BRINP1: variants seen among roughly 807,000 people sequenced by gnomAD.
BRINP1 encodes the protein BMP/retinoic acid inducible neural specific 1.
A neutral mutation model predicts 72.9 loss-of-function variants in BRINP1; 17 were observed. The ratio of observed to expected loss-of-function variants is 0.23; its 90% CI spans 0.16 to 0.35. The LOEUF is 0.35. Among genes scored for constraint, BRINP1 ranks in the 10% least tolerant of loss-of-function variants. The pLI, the probability that BRINP1 is intolerant of heterozygous loss-of-function variation, is 1.00. For missense variants in BRINP1, 850 were observed against 1,001.6 expected (o/e 0.85, Z 2.04); for synonymous variants, 418 against 378.5 (o/e 1.10, Z -1.21).
intron 2 of BRINP1, among the ~76,000 whole-genome samples, chr9:119,309,531 C>G (rs939977983): frequency 6.6e-6 from 1 of 152,048 alleles, no homozygotes; most frequent in African/African-American, 2.4e-5. Context: ...ATAGTCTTAA[C>G]AGAAAGTGAA....
rs1206757973 is a variant in BRINP1, at chr9:119,339,654, CTT to C, written c.-50-26251_-50-26250del. Among the ~76,000 whole-genome samples, 3 of 152,262 alleles carry C rather than the reference CTT, an allele frequency of 2.0e-5. No individual in the cohort carries two copies. In the East Asian group the frequency reaches 5.8e-4, roughly 29 times the overall value. Reference sequence around the variant, plus strand: ...AGTGCCAGGCACTGCACTTTGCTGTCTTTTTAATTTTCTACAGGAATTATTTC... The same window carrying C: ...AGTGCCAGGCACTGCACTTTGCTGTCTTTAATTTTCTACAGGAATTATTTC... On this transcript the variant is annotated intron_variant, in intron 1 of 7. Transcript: ENST00000265922.
chr9:119,369,242 C>A lies in BRINP1; in HGVS notation c.-237G>T, dbSNP rs558224555. On this transcript the variant is annotated 5_prime_UTR_variant, in exon 1 of 8. Transcript: ENST00000265922. ...GCCGTAAAGTCCCCTTCGCTGGTCC[C>A]GAGGACAGGCATGAATCCCGGCTCC... 8 of 398,588 alleles carry A rather than the reference C, an allele frequency of 2.0e-5. No individual in the cohort carries two copies. The Admixed American group carries it at 3.5e-4, about 18-fold the overall frequency. 24.7% of individuals were successfully genotyped at this position (398,588 alleles called of 1,614,324 possible).
chr9:119,268,928 C>T (rs1394161899), intron 2 of BRINP1, among the ~76,000 whole-genome samples: 1 of 152,144 alleles, frequency 6.6e-6, no homozygotes, highest in Non-Finnish European at 1.5e-5. Flanking sequence ...ACATGAAAGG[C>T]ACTAAAATGT....
chr9:119,331,317 A>C (rs954804599), intron 1 of BRINP1, among the ~76,000 whole-genome samples: 1 of 152,206 alleles, frequency 6.6e-6, no homozygotes, highest in Non-Finnish European at 1.5e-5. Flanking sequence ...AGACTAGAGA[A>C]ACCCTGGAGC....
At chr9:119,277,126 C>T (rs1426576112) in intron 2 of BRINP1, among the ~76,000 whole-genome samples, 3 of 152,202 alleles carry the variant, frequency 2.0e-5, no homozygotes, top group East Asian at 3.8e-4. Flanking sequence ...TTCGCTCAAG[C>T]TGTTGAATTT....
intron 7 of BRINP1, among the ~76,000 whole-genome samples, chr9:119,189,584 A>G (rs1393221046): frequency 6.6e-6 from 1 of 152,188 alleles, no homozygotes; most frequent in Non-Finnish European, 1.5e-5. Context: ...CGGTCATTGT[A>G]TAACAATAAA....
intron 1 of BRINP1, among the ~76,000 whole-genome samples, chr9:119,347,691 T>C (rs1167055735): frequency 6.6e-6 from 1 of 152,118 alleles, no homozygotes; most frequent in Non-Finnish European, 1.5e-5. Context: ...CCTGCAAATA[T>C]TTTCTGCAAG....
chr9:119,199,671 T>TA (rs376783401), intron 7 of BRINP1, among the ~76,000 whole-genome samples: 3 of 152,120 alleles, frequency 2.0e-5, no homozygotes, highest in African/African-American at 4.8e-5. Context: ...CTCTAATCTT[T>TA]AAAAAAACCC....
chr9:119,251,887 G>A (rs1349490670), intron 2 of BRINP1, among the ~76,000 whole-genome samples: 1 of 152,026 alleles, frequency 6.6e-6, no homozygotes, highest in Non-Finnish European at 1.5e-5. Context: ...GAAAGTGATG[G>A]AGTGTCACTT....
intron 1 of BRINP1, among the ~76,000 whole-genome samples, chr9:119,315,046 T>C (rs1831111369): frequency 1.3e-5 from 2 of 152,166 alleles, no homozygotes; most frequent in African/African-American, 4.8e-5. Context: ...GGTCATTTTC[T>C]TTTTTTATTA....
At chr9:119,265,473 C>T (rs958692249) in intron 2 of BRINP1, among the ~76,000 whole-genome samples, 2 of 151,872 alleles carry the variant, frequency 1.3e-5, no homozygotes, top group African/African-American at 2.4e-5. Context: ...GGTGTGGTGT[C>T]GGGCACCTAG....
intron 5 of BRINP1, among the ~76,000 whole-genome samples, chr9:119,229,350 A>G (rs1179995089): frequency 6.6e-6 from 1 of 152,158 alleles, no homozygotes; most frequent in African/African-American, 2.4e-5. Flanking sequence ...GACATAATGT[A>G]TATTCTTACA....
chr9:119,359,100 T>C (rs1831603118), intron 1 of BRINP1, among the ~76,000 whole-genome samples: 2 of 152,246 alleles, frequency 1.3e-5, no homozygotes, highest in African/African-American at 4.8e-5. Context: ...TAACAGTTAA[T>C]GTTTATATAG....
intron 2 of BRINP1, among the ~76,000 whole-genome samples, chr9:119,253,534 A>G (rs1483840413): frequency 2.6e-5 from 4 of 152,180 alleles, no homozygotes; most frequent in Non-Finnish European, 5.9e-5. Context: ...CATCCCATTC[A>G]TTTGTGGGAG....
At chr9:119,237,162 T>G (rs529424867) in intron 5 of BRINP1, among the ~76,000 whole-genome samples, 1 of 152,216 alleles carries the variant, frequency 6.6e-6, no homozygotes, top group East Asian at 1.9e-4. Flanking sequence ...TCATATACCT[T>G]TCTAGAAGGT....
chr9:119,321,418 G>C (rs1179659179), intron 1 of BRINP1, among the ~76,000 whole-genome samples: 1 of 152,180 alleles, frequency 6.6e-6, no homozygotes, highest in Non-Finnish European at 1.5e-5. Flanking sequence ...ATGGAGGTGT[G>C]CTATTCATAA....
At chr9:119,222,899 A>T (rs2118887254) in intron 5 of BRINP1, among the ~76,000 whole-genome samples, 1 of 152,114 alleles carries the variant, frequency 6.6e-6, no homozygotes, top group East Asian at 1.9e-4. Flanking sequence ...AGGTTGGTTC[A>T]ATTTAAATAT....
chr9:119,311,828 T>C (rs1831072174), intron 2 of BRINP1, among the ~76,000 whole-genome samples: 2 of 152,178 alleles, frequency 1.3e-5, no homozygotes. Flanking sequence ...ACTCCACATT[T>C]GGAAGCTATA....
intron 2 of BRINP1, among the ~76,000 whole-genome samples, chr9:119,263,907 C>T (rs1830522166): frequency 6.6e-6 from 1 of 152,098 alleles, no homozygotes; most frequent in African/African-American, 2.4e-5. Context: ...AGCGCCCGGC[C>T]AACAATTCTT....
Sources: allele counts gnomAD v4.1 joint callset (sites outside exome capture counted in the v4.1 genomes callset), GRCh38; gene constraint gnomAD v4.1.1; transcripts MANE v1.5; gene names NCBI Gene and HGNC (gene_info 2026-07-23, HGNC 2026-07-21).